The following ZSWIM1 variants were observed in gnomAD, a reference collection of about 807,000 sequenced individuals.
ZSWIM1 encodes the protein zinc finger SWIM-type containing 1.
In ZSWIM1, 22 loss-of-function variants were observed where a neutral mutation model predicts 29.3. The observed-to-expected ratio is 0.75, with a 90% CI of 0.54 to 1.07. The LOEUF (loss-of-function observed/expected upper bound fraction) is 1.07. Ranked by LOEUF, ZSWIM1 falls within the 50% of genes least tolerant of loss-of-function variation. ZSWIM1 has a pLI of 0.00. For missense variants in ZSWIM1, 511 were observed against 596.2 expected (o/e 0.86, Z 1.49); for synonymous variants, 228 against 240.8 (o/e 0.95, Z 0.49).
rs1374984132 is a variant in ZSWIM1 at position 45,885,178 on chromosome 20, C to T, written c.*1128C>T. Reference sequence around the variant, plus strand: ...GGGAGGCTTCCTACAGGGGAAGAGGCCCCTCTGGGGAGCTGACTCAGCCAG... The same window carrying T: ...GGGAGGCTTCCTACAGGGGAAGAGGTCCCTCTGGGGAGCTGACTCAGCCAG... On this transcript the variant is annotated 3_prime_UTR_variant, in exon 2 of 2. Transcript: ENST00000372523. 1 of 167,048 alleles carries T rather than the reference C, an allele frequency of 6.0e-6. No homozygotes were observed. The highest frequency in any genetic ancestry group is 1.5e-5 in the Non-Finnish European group (1 of 68,116). The allele number at this position is 167,048 out of a possible 1,614,324, so 10.3% of individuals were successfully genotyped here. A position where few individuals can be genotyped will look rare whatever the true frequency, so the allele number is the denominator to read the frequency against.
rs1452234043 is a variant in ZSWIM1 at position 45,885,170 on chromosome 20, G to T, written c.*1120G>T. The T allele has an allele frequency of 1.8e-5, 3 of 167,094 alleles. No individual in the cohort carries two copies. Among genetic ancestry groups the T allele is most frequent in the Non-Finnish European group, 4.4e-5 (3 of 68,118 alleles). The allele number at this position is 167,094 out of a possible 1,614,324, so 10.4% of individuals were successfully genotyped here. A position where few individuals can be genotyped will look rare whatever the true frequency, so the allele number is the denominator to read the frequency against. On this transcript the variant is annotated 3_prime_UTR_variant, in exon 2 of 2. Coordinates refer to ENST00000372523, the MANE Select transcript of ZSWIM1 (RefSeq NM_080603.5). ...GCTGGGCTGGGAGGCTTCCTACAGG[G>T]GAAGAGGCCCCTCTGGGGAGCTGAC...
chr20:45,883,121 C>T lies in ZSWIM1; in HGVS notation c.529C>T (p.Leu177Phe), dbSNP rs1057071993. ...CTCAGCCTTCCACATTTGTAAGTTC[C>T]TCCAGGCCAAGTTCTATCAGCTGTC... ...LLSAFHICKFLQAKFYQLSLE... is the reference protein window; with the variant it reads ...LLSAFHICKFFQAKFYQLSLE... The change falls in exon 2 of 2, where the codon CTC becomes TTC. Residue 177 changes from leucine to phenylalanine, a missense_variant. Transcript: ENST00000372523. 6.2e-7 allele frequency: 1 copy of T among 1,614,230 alleles called. No individual in the cohort carries two copies.
rs1163709840 is a variant in ZSWIM1 at position 45,884,552 on chromosome 20, C to CA, written c.*502_*503insA. 1.2e-5 allele frequency: 2 copies of CA among 165,754 alleles called. No individual in the cohort carries two copies. The highest frequency in any genetic ancestry group is 2.9e-5 in the Non-Finnish European group (2 of 67,984). 10.3% of individuals were successfully genotyped at this position (165,754 alleles called of 1,614,324 possible). ...TAATTTTTTGTATTTTTAGTAGAGACGGGGTTTCACCGTGTTAGCCAGGAT... is the reference window on the plus strand; with the variant it reads ...TAATTTTTTGTATTTTTAGTAGAGACAGGGGTTTCACCGTGTTAGCCAGGAT... On this transcript the variant is annotated 3_prime_UTR_variant, in exon 2 of 2. Transcript: ENST00000372523.
chr20:45,884,661 C>T lies in ZSWIM1; in HGVS notation c.*611C>T, dbSNP rs1986424775. On this transcript the variant is annotated 3_prime_UTR_variant, in exon 2 of 2. Transcript: ENST00000372523. The stretch of plus-strand genomic sequence containing the variant: ...ACAGGCGTGAGCCATCGCACCCGGC[C>T]TGTTTTAACATTTTCATAAGGTAAA... 1 of 166,798 alleles carries T rather than the reference C, an allele frequency of 6.0e-6. No homozygotes were observed. Among genetic ancestry groups the T allele is most frequent in the South Asian group, 2.1e-4 (1 of 4,828 alleles). 10.3% of individuals were successfully genotyped at this position (166,798 alleles called of 1,614,324 possible).
intron 1 of ZSWIM1, 55 bp downstream of exon 1, chr20:45,881,316 C>T (rs557569413): frequency 1.2e-4 from 19 of 152,392 alleles, no homozygotes; most frequent in African/African-American, 4.3e-4. Context: ...CGCAGTTAGC[C>T]GTCACACAGC....
At position 45,883,852 on chromosome 20, in the gene ZSWIM1, C is replaced by T. The variant is rs976132811; in HGVS notation, c.1260C>T (p.Gly420=). ...PDMLPAQWTA[G]CATSLDSILG... ...TGCTGCCGGCTCAGTGGACGGCAGG[C>T]TGTGCTACCAGTCTAGACAGCATCC... The change falls in exon 2 of 2, where the codon GGC becomes GGT. Residue 420 remains glycine (G), a synonymous_variant. Coordinates refer to ENST00000372523, the MANE Select transcript of ZSWIM1 (RefSeq NM_080603.5). The T allele has an allele frequency of 6.2e-7, 1 of 1,613,658 alleles. No individual in the cohort carries two copies. Among genetic ancestry groups the T allele is most frequent in the Non-Finnish European group, 8.5e-7 (1 of 1,180,026 alleles).
Position 45,883,534 on chromosome 20 carries a change from A to C in ZSWIM1, c.942A>C (p.Glu314Asp). The change falls in exon 2 of 2, where the codon GAA becomes GAC. Residue 314 changes from glutamate to aspartate, a missense_variant. Glu to Asp is a conservative substitution (Grantham distance 45). Transcript: ENST00000372523. ...NNHAPSDTIP[E>D]SPKLEQLVES... ...ATGCTCCCTCAGACACCATCCCCGA[A>C]AGCCCCAAACTGGAGCAGCTGGTAG... 2.5e-6 allele frequency: 4 copies of C among 1,614,158 alleles called. No homozygotes were observed. The South Asian group carries it at 4.4e-5, about 18-fold the overall frequency.
At position 45,882,799 on chromosome 20, in the gene ZSWIM1, A is replaced by T. The variant is rs1234328637; in HGVS notation, c.207A>T (p.Gln69His). The T allele has an allele frequency of 1.2e-6, 2 of 1,614,210 alleles. No individual in the cohort carries two copies. The highest frequency in any genetic ancestry group is 3.3e-5 in the Admixed American group (2 of 60,014). Residue 69 changes from glutamine to histidine, a missense_variant, in exon 2 of 2, where the codon CAA (glutamine) becomes CAT (histidine). Physicochemically the swap from Gln to His is conservative, Grantham distance 24 (BLOSUM62 0). Coordinates refer to ENST00000372523, the MANE Select transcript of ZSWIM1 (RefSeq NM_080603.5). ...TCAACTACCAGAGCTGCTTTATGCA[A>T]AGTGTCTTTGACCATTTCCCTGAGA... is the stretch of plus-strand genomic sequence containing the variant. ...DTFNYQSCFM[Q>H]SVFDHFPEIL...
At chr20:45,882,151 A>G (rs112443910) in intron 1 of ZSWIM1, among the ~76,000 whole-genome samples, 389 of 152,274 alleles carry the variant, frequency 2.6e-3, no homozygotes, top group Non-Finnish European at 3.9e-3. Context: ...GCACCTGGCT[A>G]GAATGCTATT....
At position 45,882,860 on chromosome 20, in the gene ZSWIM1, A is replaced by G. The variant is rs766257108; in HGVS notation, c.268A>G (p.Lys90Glu). 3 of 1,614,216 alleles carry G rather than the reference A, an allele frequency of 1.9e-6. No individual in the cohort carries two copies. Among genetic ancestry groups the G allele is most frequent in the Non-Finnish European group, 2.5e-6 (3 of 1,180,040 alleles). ...CCACCGGACCTATAACCCAAGGGGT[A>G]AGGTCTTATATACCTTCCTGGTGGA... is the stretch of plus-strand genomic sequence containing the variant. ...FIHRTYNPRG[K>E]VLYTFLVDGP... Residue 90 changes from lysine to glutamate, a missense_variant, in exon 2 of 2, where the codon AAG (lysine) becomes GAG (glutamate). Transcript: ENST00000372523.
In ZSWIM1 at chr20:45,884,174, T is replaced by G; in HGVS notation, c.*124T>G. The stretch of plus-strand genomic sequence containing the variant: ...TACACTGTTGTACTTCCGTGGGCCC[T>G]CCTTCCAGAACAAGGACAACAAGGA... On this transcript the variant is annotated 3_prime_UTR_variant, in exon 2 of 2. Transcript: ENST00000372523. The G allele has an allele frequency of 1.5e-6, 2 of 1,349,642 alleles. No individual in the cohort carries two copies. Among genetic ancestry groups the G allele is most frequent in the Non-Finnish European group, 2.0e-6 (2 of 993,890 alleles). 83.6% of individuals were successfully genotyped at this position (1,349,642 alleles called of 1,614,324 possible).
At position 45,882,616 on chromosome 20, in the gene ZSWIM1, GTGGTCAGCTGCCCTGCAAAGAAAGTATTT is replaced by G; in HGVS notation, c.27_55del (p.Trp9Ter). The G allele has an allele frequency of 6.2e-7, 1 of 1,613,918 alleles. No homozygotes were observed. The highest frequency in any genetic ancestry group is 1.7e-5 in the Admixed American group (1 of 59,996). ...TGATGCTTGAGAGACTCAAAGCCCC[GTGGTCAGCTGCCCTGCAAAGAAAGTATTT>G]TGACCTTGGCATTTGGACAGCTCCC... is the stretch of plus-strand genomic sequence containing the variant. On this transcript the variant is annotated frameshift_variant, in exon 2 of 2. Coordinates refer to ENST00000372523, the MANE Select transcript of ZSWIM1 (RefSeq NM_080603.5). LOFTEE classifies it low-confidence loss of function (END_TRUNC).
rs763655764 is a variant in ZSWIM1 at position 45,883,827 on chromosome 20, T to C, written c.1235T>C (p.Met412Thr). Residue 412 changes from methionine (M) to threonine (T), a missense_variant, in exon 2 of 2, where the codon ATG becomes ACG. Coordinates refer to ENST00000372523, the MANE Select transcript of ZSWIM1 (RefSeq NM_080603.5). ...CGCCGCCAGGTGCTCCAGCCCGACA[T>C]GCTGCCGGCTCAGTGGACGGCAGGC... is the stretch of plus-strand genomic sequence containing the variant. ...SARRQVLQPD[M>T]LPAQWTAGCA... The C allele has an allele frequency of 1.8e-5, 29 of 1,613,634 alleles. No homozygotes were observed. Among genetic ancestry groups the C allele is most frequent in the Non-Finnish European group, 2.5e-5 (29 of 1,180,008 alleles).
rs1424381934 is a variant in ZSWIM1 at position 45,884,609 on chromosome 20, G to A, written c.*559G>A. 44 of 166,554 alleles carry A rather than the reference G, an allele frequency of 2.6e-4. No individual in the cohort carries two copies. The highest frequency in any genetic ancestry group is 5.9e-4 in the East Asian group (3 of 5,078). 10.3% of individuals were successfully genotyped at this position (166,554 alleles called of 1,614,324 possible). A position where few individuals can be genotyped will look rare whatever the true frequency, so the allele number is the denominator to read the frequency against. ...GATCTCCTGACTTCGTGATCTGCCC[G>A]CCTCGGCCTCCCAAAGTGCTGGGAT... On this transcript the variant is annotated 3_prime_UTR_variant, in exon 2 of 2. Transcript: ENST00000372523.
Position 45,883,957 on chromosome 20 carries a change from G to A in ZSWIM1, c.1365G>A (p.Gln455=), listed in dbSNP as rs778478346. The A allele has an allele frequency of 1.2e-6, 2 of 1,614,200 alleles. No homozygotes were observed. Among genetic ancestry groups the A allele is most frequent in the Middle Eastern group, 1.6e-4 (1 of 6,062 alleles). Residue 455 remains glutamine (Q), a synonymous_variant, in exon 2 of 2, where the codon CAG becomes CAA. Coordinates refer to ENST00000372523, the MANE Select transcript of ZSWIM1 (RefSeq NM_080603.5). ...CCGAGGAGGTGGGTCAGCTGTTGCA[G>A]CACTGCACCAAGGAGGAGTTTGAGC... The part of the protein sequence containing the change: ...HLTEEVGQLL[Q]HCTKEEFERR...
Position 45,883,241 on chromosome 20 carries a change from C to G in ZSWIM1, c.649C>G (p.Leu217Val). ...CAACCTGAGAAAGTTGTATACACTC[C>G]TGAGCAACTGCATCCCTCCAGCCAA... The part of the protein sequence containing the change: ...AGNLRKLYTL[L>V]SNCIPPAKLP... Residue 217 changes from leucine to valine, a missense_variant, in exon 2 of 2, where the codon CTG becomes GTG. By Grantham distance (32) the Leu-to-Val change is conservative. Coordinates refer to ENST00000372523, the MANE Select transcript of ZSWIM1 (RefSeq NM_080603.5). 6.2e-7 allele frequency: 1 copy of G among 1,613,858 alleles called. No homozygotes were observed.
In ZSWIM1 at chr20:45,883,384, C is replaced by T. The variant is rs139682257; in HGVS notation, c.792C>T (p.Ile264=). 6.2e-7 allele frequency: 1 copy of T among 1,614,256 alleles called. No homozygotes were observed. The highest frequency in any genetic ancestry group is 1.7e-5 in the Admixed American group (1 of 60,024). ...YFQSLEVTTH[I]LSQFFGTTPS... Reference sequence around the variant, plus strand: ...AGAGCCTCGAGGTCACCACCCACATCCTCAGCCAGTTCTTTGGTACCACCC... The same window carrying T: ...AGAGCCTCGAGGTCACCACCCACATTCTCAGCCAGTTCTTTGGTACCACCC... Residue 264 remains isoleucine, a synonymous_variant, in exon 2 of 2, where the codon ATC becomes ATT. Transcript: ENST00000372523.
In ZSWIM1 at chr20:45,883,974, A is replaced by T; in HGVS notation, c.1382A>T (p.Glu461Val). The change falls in exon 2 of 2, where the codon GAG becomes GTG. Residue 461 changes from glutamate to valine, a missense_variant. Physicochemically the swap from Glu to Val is moderately radical, Grantham distance 121. Transcript: ENST00000372523. ...GQLLQHCTKE[E>V]FERRYSTLRE... is the part of the protein sequence containing the mutation. ...CTGTTGCAGCACTGCACCAAGGAGG[A>T]GTTTGAGCGGAGGTATAGCACCCTG... The T allele has an allele frequency of 6.2e-7, 1 of 1,614,102 alleles. No homozygotes were observed. Among genetic ancestry groups the T allele is most frequent in the Non-Finnish European group, 8.5e-7 (1 of 1,180,014 alleles).
At position 45,882,740 on chromosome 20, in the gene ZSWIM1, C is replaced by T. The variant is rs1475022607; in HGVS notation, c.148C>T (p.His50Tyr). 4.3e-6 allele frequency: 7 copies of T among 1,614,144 alleles called. No individual in the cohort carries two copies. Among genetic ancestry groups the T allele is most frequent in the Non-Finnish European group, 5.9e-6 (7 of 1,180,058 alleles). Residue 50 changes from histidine (H) to tyrosine (Y), a missense_variant, in exon 2 of 2, where the codon CAC becomes TAC. Physicochemically the swap from His to Tyr is moderately conservative, Grantham distance 83. Transcript: ENST00000372523. ...GGACTCAAGCCCACCTATGCTGCTG[C>T]ACCAGGTTAACAAGACTGCCCAGTT... ...IKDSSPPMLL[H>Y]QVNKTAQLDT...
Sources: allele counts gnomAD v4.1 joint callset (sites outside exome capture counted in the v4.1 genomes callset), GRCh38; gene constraint gnomAD v4.1.1; transcripts MANE v1.5; gene names NCBI Gene and HGNC (gene_info 2026-07-23, HGNC 2026-07-21).